The following AFG2A variants were observed in gnomAD, a reference collection of about 807,000 sequenced individuals.
The protein encoded by AFG2A is AAA ATPase AFG2A.
At chr4:123,265,472 T>G in the AFG2A span, among the ~76,000 whole-genome samples, 1 of 152,156 alleles carries the variant, frequency 6.6e-6, no homozygotes, top group African/African-American at 2.4e-5. Context: ...TCTGCTTAAA[T>G]TGGCAACAAA....
At chr4:123,091,883 G>A in the AFG2A span, among the ~76,000 whole-genome samples, 1 of 152,204 alleles carries the variant, frequency 6.6e-6, no homozygotes, top group African/African-American at 2.4e-5. Flanking sequence ...TTATTGCCTT[G>A]TGTATGACTT....
chr4:123,057,319 A>G, the AFG2A span: 3 of 1,569,076 alleles, frequency 1.9e-6, no homozygotes, highest in African/African-American at 1.3e-5. Context: ...CTGCTATTAC[A>G]TAATAATATG....
At chr4:123,299,526 G>A in the AFG2A span, among the ~76,000 whole-genome samples, 2 of 152,272 alleles carry the variant, frequency 1.3e-5, no homozygotes, top group African/African-American at 4.8e-5. Context: ...TCATAGTAGA[G>A]AGTACATTGA....
At chr4:123,191,095 G>C in the AFG2A span, among the ~76,000 whole-genome samples, 16 of 152,226 alleles carry the variant, frequency 1.1e-4, no homozygotes, top group East Asian at 3.1e-3. Context: ...CAGTTTGGCA[G>C]GGTAATTCTG....
the AFG2A span, among the ~76,000 whole-genome samples, chr4:122,939,565 C>T: frequency 6.6e-6 from 1 of 151,736 alleles, no homozygotes; most frequent in African/African-American, 2.4e-5. Context: ...TATGTTAGAA[C>T]CACAATAAAT....
the AFG2A span, among the ~76,000 whole-genome samples, chr4:123,163,005 T>C: frequency 6.6e-6 from 1 of 152,218 alleles, no homozygotes; most frequent in Non-Finnish European, 1.5e-5. Context: ...GCTACATAGA[T>C]GCAAATGGTA....
At chr4:123,152,725 C>A in the AFG2A span, among the ~76,000 whole-genome samples, 3 of 152,154 alleles carry the variant, frequency 2.0e-5, no homozygotes, top group Non-Finnish European at 2.9e-5. Context: ...AACACTCTTA[C>A]CACATGATCC....
chr4:123,056,540 G>C, the AFG2A span: 1 of 903,368 alleles, frequency 1.1e-6, no homozygotes, highest in East Asian at 3.0e-5. Context: ...TGGCATTTCC[G>C]AAGTCAGATC....
the AFG2A span, among the ~76,000 whole-genome samples, chr4:123,067,195 A>C: frequency 6.6e-6 from 1 of 152,118 alleles, no homozygotes; most frequent in Admixed American, 6.6e-5. Context: ...GTTTCTTACA[A>C]GCCAATTTTG....
chr4:123,113,976 T>C, the AFG2A span, among the ~76,000 whole-genome samples: 1 of 151,842 alleles, frequency 6.6e-6, no homozygotes, highest in Non-Finnish European at 1.5e-5. Flanking sequence ...GTTCAGCTCT[T>C]AGCAGAGAGG....
At chr4:123,019,344 A>C in the AFG2A span, among the ~76,000 whole-genome samples, 9 of 152,160 alleles carry the variant, frequency 5.9e-5, no homozygotes, top group Non-Finnish European at 4.4e-5. Context: ...AAAAGTATGA[A>C]GTTAAAAAGA....
chr4:123,222,143 A>G, the AFG2A span, among the ~76,000 whole-genome samples: 1 of 152,134 alleles, frequency 6.6e-6, no homozygotes, highest in Non-Finnish European at 1.5e-5. Flanking sequence ...ACCCGAAAAT[A>G]AATTTTTGTT....
the AFG2A span, among the ~76,000 whole-genome samples, chr4:123,153,993 TAAAGACATTTGTCTTTC>T: frequency 1.3e-5 from 2 of 152,176 alleles, no homozygotes; most frequent in African/African-American, 4.8e-5. Flanking sequence ...GAAAGTGTAG[TAAAGACATTTGTCTTTC>T]AAAGACTTTT....
At chr4:123,051,541 A>C in the AFG2A span, among the ~76,000 whole-genome samples, 2 of 151,736 alleles carry the variant, frequency 1.3e-5, no homozygotes, top group Non-Finnish European at 2.9e-5. Flanking sequence ...TGATTATCAT[A>C]TTAGTATAAC....
At chr4:123,071,390 G>A in the AFG2A span, among the ~76,000 whole-genome samples, 1 of 151,656 alleles carries the variant, frequency 6.6e-6, no homozygotes, top group South Asian at 2.1e-4. Context: ...TGAGGCAGGA[G>A]AATCACTTGA....
At chr4:122,990,153 A>G in the AFG2A span, among the ~76,000 whole-genome samples, 1 of 152,226 alleles carries the variant, frequency 6.6e-6, no homozygotes, top group African/African-American at 2.4e-5. Context: ...GATGTGAGCT[A>G]CTGTGCCTGG....
chr4:122,948,294 G>T, the AFG2A span, among the ~76,000 whole-genome samples: 1 of 151,670 alleles, frequency 6.6e-6, no homozygotes, highest in Non-Finnish European at 1.5e-5. Flanking sequence ...ACGGGCTTGA[G>T]CAGTCCTTAG....
chr4:122,993,631 AT>A, the AFG2A span, among the ~76,000 whole-genome samples: 2 of 152,090 alleles, frequency 1.3e-5, no homozygotes, highest in East Asian at 3.8e-4. Context: ...CAGAAAGGTT[AT>A]TCTAATTTAT....
At chr4:122,987,409 A>C in the AFG2A span, among the ~76,000 whole-genome samples, 1 of 152,102 alleles carries the variant, frequency 6.6e-6, no homozygotes, top group Admixed American at 6.5e-5. Context: ...GGAGAATTTA[A>C]TGTTCCATTT....
Sources: gnomAD v4.1 joint callset for allele counts (sites outside exome capture counted in the v4.1 genomes callset) on GRCh38, gnomAD v4.1.1 for gene constraint, MANE v1.5 for transcripts, NCBI Gene and HGNC (gene_info 2026-07-23, HGNC 2026-07-21) for gene names.